Variants in SPATA16 observed in about 807,000 individuals in gnomAD.
SPATA16 encodes spermatogenesis associated 16.
Under a neutral mutation model 63.3 loss-of-function variants are expected in SPATA16, and 36 were observed. That is an observed-to-expected ratio of 0.57 (90% CI 0.44 to 0.75). The LOEUF (loss-of-function observed/expected upper bound fraction) is 0.75. SPATA16 is among the 30% of genes least tolerant of loss of function. SPATA16 has a pLI of 0.00. For missense variants in SPATA16, 646 were observed against 679.3 expected (o/e 0.95, Z 0.54); for synonymous variants, 203 against 216.7 (o/e 0.94, Z 0.56).
intron 2 of SPATA16, among the ~76,000 whole-genome samples, chr3:173,072,153 G>T (rs918119050): frequency 6.6e-6 from 1 of 152,096 alleles, no homozygotes; most frequent in African/African-American, 2.4e-5. Flanking sequence ...GCAAAGACAT[G>T]GAATAAACCT....
At chr3:172,894,479 T>A (rs1731964230) in intron 10 of SPATA16, among the ~76,000 whole-genome samples, 1 of 76,240 alleles carries the variant, frequency 1.3e-5, no homozygotes, top group Admixed American at 1.7e-4. Context: ...CCCTGAGATT[T>A]TACAAAACAT....
chr3:173,075,740 T>C (rs1331210169), intron 2 of SPATA16, among the ~76,000 whole-genome samples: 1 of 152,024 alleles, frequency 6.6e-6, no homozygotes, highest in Non-Finnish European at 1.5e-5. Context: ...CATGGAGATA[T>C]ACAGTAGAAT....
chr3:172,990,119 C>G (rs1310096833), intron 4 of SPATA16, among the ~76,000 whole-genome samples: 2 of 152,168 alleles, frequency 1.3e-5, no homozygotes, highest in Admixed American at 6.5e-5. Flanking sequence ...TTCTGGAGGT[C>G]AGGGATCATG....
At chr3:172,989,837 G>T (rs1479111903) in intron 4 of SPATA16, among the ~76,000 whole-genome samples, 1 of 152,152 alleles carries the variant, frequency 6.6e-6, no homozygotes, top group Non-Finnish European at 1.5e-5. Context: ...AAAGGGTATT[G>T]ATTATCTCAT....
intron 3 of SPATA16, among the ~76,000 whole-genome samples, chr3:173,045,225 T>C (rs999321510): frequency 2.0e-5 from 3 of 152,108 alleles, no homozygotes; most frequent in African/African-American, 7.2e-5. Flanking sequence ...GCCTTGCTAT[T>C]CTAATCTCGG....
At chr3:173,106,970 G>A (rs1253606684) in intron 2 of SPATA16, among the ~76,000 whole-genome samples, 1 of 152,160 alleles carries the variant, frequency 6.6e-6, no homozygotes, top group East Asian at 1.9e-4. Context: ...TAGATAAAGT[G>A]CCTGCCACAC....
At chr3:173,066,375 T>A (rs989574719) in intron 2 of SPATA16, among the ~76,000 whole-genome samples, 2 of 152,176 alleles carry the variant, frequency 1.3e-5, no homozygotes, top group African/African-American at 4.8e-5. Context: ...TCTGCAAGAC[T>A]TCAGATGTGA....
intron 2 of SPATA16, among the ~76,000 whole-genome samples, chr3:173,088,077 TCTGTCTTTTC>T (rs1560118991): frequency 2.6e-5 from 3 of 115,964 alleles, no homozygotes; most frequent in African/African-American, 3.5e-5. Context: ...TTTCTTTCTT[TCTGTCTTTTC>T]TTTTTTTTTT....
intron 2 of SPATA16, among the ~76,000 whole-genome samples, chr3:173,108,383 A>G (rs1032629843): frequency 1.2e-4 from 18 of 152,272 alleles, no homozygotes; most frequent in South Asian, 2.1e-4. Context: ...AGCTTTGTAT[A>G]TTTATTAATT....
chr3:172,971,516 T>C (rs1734047867), intron 5 of SPATA16, among the ~76,000 whole-genome samples: 1 of 152,198 alleles, frequency 6.6e-6, no homozygotes, highest in South Asian at 2.1e-4. Context: ...AAGTACCTTA[T>C]AGTCTGTAGC....
intron 1 of SPATA16, among the ~76,000 whole-genome samples, chr3:173,128,619 C>T (rs1005147337): frequency 5.3e-5 from 8 of 152,242 alleles, no homozygotes; most frequent in Middle Eastern, 3.4e-3. Context: ...ATATGCTCCG[C>T]CTCCTGACTT....
chr3:173,135,248 A>G (rs919223214), intron 1 of SPATA16, among the ~76,000 whole-genome samples: 9 of 152,236 alleles, frequency 5.9e-5, no homozygotes, highest in Non-Finnish European at 1.0e-4. Context: ...GCAAAGTGAA[A>G]CCACAGGTTG....
intron 2 of SPATA16, among the ~76,000 whole-genome samples, chr3:173,082,116 C>A (rs1036392343): frequency 2.0e-5 from 3 of 152,060 alleles, no homozygotes; most frequent in African/African-American, 7.3e-5. Context: ...TTAGATCTTT[C>A]TTTTAGGTGT....
In SPATA16 at chr3:172,956,640, A is replaced by G. The variant is rs770982158; in HGVS notation, c.1081+37T>C. ...CCCTGTATTTGTTTTATTTGAAACA[A>G]AATATCAGCTGATAACTTGAAGATA... is the stretch of plus-strand genomic sequence containing the variant. On this transcript the variant is annotated intron_variant, in intron 6 of 10. Transcript: ENST00000351008. The G allele has an allele frequency of 1.1e-5, 17 of 1,602,804 alleles. No homozygotes were observed. In the Admixed American group the frequency reaches 2.7e-4, roughly 25 times the overall value.
rs374561503 is a variant in SPATA16, at chr3:172,889,672, A to G, written c.1608T>C (p.Phe536=). 97 of 1,613,352 alleles carry G rather than the reference A, an allele frequency of 6.0e-5. No homozygotes were observed. The highest frequency in any genetic ancestry group is 7.0e-5 in the Non-Finnish European group (83 of 1,179,836). The change falls in exon 11 of 11, where the codon TTT becomes TTC. Residue 536 remains phenylalanine (F), a synonymous_variant. Transcript: ENST00000351008. ...AGAAACTGTCCTCTAATTGGTATAG[A>G]AAATCTTCAATTTGTCCAACCTAGA... is the stretch of plus-strand genomic sequence containing the variant. ...MIQKVGQIED[F]LYQLEDSFLK... is the part of the protein sequence containing the mutation.
intron 2 of SPATA16, among the ~76,000 whole-genome samples, chr3:173,091,531 A>G (rs1055497479): frequency 6.6e-6 from 1 of 152,064 alleles, no homozygotes; most frequent in African/African-American, 2.4e-5. Flanking sequence ...TTGTTTCCTC[A>G]TTGTAAAGTG....
intron 4 of SPATA16, among the ~76,000 whole-genome samples, chr3:173,005,410 C>G (rs1734920913): frequency 6.6e-6 from 1 of 150,648 alleles, no homozygotes; most frequent in African/African-American, 2.4e-5. Context: ...TTTAACATGA[C>G]ATTTTGGGGC....
intron 3 of SPATA16, among the ~76,000 whole-genome samples, chr3:173,032,691 T>C (rs958831924): frequency 1.3e-5 from 2 of 152,154 alleles, no homozygotes; most frequent in Non-Finnish European, 2.9e-5. Flanking sequence ...TGCAGTGAAA[T>C]GCCTTCTTGA....
At chr3:173,104,086 A>G (rs543416424) in intron 2 of SPATA16, among the ~76,000 whole-genome samples, 1 of 152,328 alleles carries the variant, frequency 6.6e-6, no homozygotes, top group East Asian at 1.9e-4. Flanking sequence ...CTAAGGCATA[A>G]CAAGGGTGAC....
Sources: gnomAD v4.1 joint callset for allele counts (sites outside exome capture counted in the v4.1 genomes callset) on GRCh38, gnomAD v4.1.1 for gene constraint, MANE v1.5 for transcripts, NCBI Gene and HGNC (gene_info 2026-07-23, HGNC 2026-07-21) for gene names.